The following TYW5 variants were observed in gnomAD, a reference collection of about 807,000 sequenced individuals.
TYW5 encodes tRNA-yW synthesizing protein 5.
Under a neutral mutation model 44.4 loss-of-function variants are expected in TYW5, and 36 were observed. The observed-to-expected ratio is 0.81, with a 90% CI of 0.62 to 1.07. The LOEUF is 1.07. Among genes scored for constraint, TYW5 ranks in the 50% least tolerant of loss-of-function variants. TYW5 has a pLI of 0.00. For synonymous variants in TYW5, 121 were observed against 128.1 expected (o/e 0.94, Z 0.37); for missense variants, 354 against 365.7 (o/e 0.97, Z 0.26).
At chr2:199,950,664 A>G (rs754278675) in intron 1 of TYW5, among the ~76,000 whole-genome samples, 1 of 152,048 alleles carries the variant, frequency 6.6e-6, no homozygotes, top group Non-Finnish European at 1.5e-5. Flanking sequence ...GTGTGTGTGT[A>G]TGTGCACGTG....
intron 6 of TYW5, 30 bp from the exon 7 acceptor site, chr2:199,936,077 A>G (rs1267916073): frequency 2.4e-6 from 3 of 1,248,880 alleles, no homozygotes; most frequent in South Asian, 2.6e-5. Context: ...GATAATATAG[A>G]TTCAGCAAAG....
At chr2:199,940,884 TTTAA>T (rs2077458855) in intron 3 of TYW5, among the ~76,000 whole-genome samples, 1 of 152,140 alleles carries the variant, frequency 6.6e-6, no homozygotes, top group African/African-American at 2.4e-5. Flanking sequence ...ACCTTATGCT[TTTAA>T]TAATATATTT....
chr2:199,939,641 G>T (rs890447344), intron 4 of TYW5, among the ~76,000 whole-genome samples: 2 of 151,822 alleles, frequency 1.3e-5, no homozygotes, highest in African/African-American at 4.8e-5. Flanking sequence ...TAAAAGAGAG[G>T]GTAAACAACT....
At position 199,929,185 on chromosome 2, in the gene TYW5, CG is replaced by C. The variant is rs1161268493; in HGVS notation, c.*3881del. On this transcript the variant is annotated 3_prime_UTR_variant, in exon 8 of 8. Transcript: ENST00000354611. ...AATGGAACTTAGAAAGAGACTACAT[CG>C]TGGGGTTGGGGGAGGGGGAAGGGAT... Among the ~76,000 whole-genome samples, 1 of 117,212 alleles carries C rather than the reference CG, an allele frequency of 8.5e-6. No individual in the cohort carries two copies. The highest frequency in any genetic ancestry group is 2.0e-5 in the Non-Finnish European group (1 of 51,178). 76.9% of individuals were successfully genotyped at this position (117,212 alleles called of 152,430 possible). A position where few individuals can be genotyped will look rare whatever the true frequency, so the allele number is the denominator to read the frequency against.
At chr2:199,950,281 T>C (rs2077534725) in intron 1 of TYW5, among the ~76,000 whole-genome samples, 1 of 152,166 alleles carries the variant, frequency 6.6e-6, no homozygotes, top group Admixed American at 6.5e-5. Context: ...TCTACTGAAT[T>C]TGTAATTCCC....
rs1368080146 is a variant in TYW5, at chr2:199,929,226, T to C, written c.*3841A>G. Among the ~76,000 whole-genome samples, 5 of 152,062 alleles carry C rather than the reference T, an allele frequency of 3.3e-5. No individual in the cohort carries two copies. The highest frequency in any genetic ancestry group is 4.8e-5 in the African/African-American group (2 of 41,384). Reference sequence around the variant, plus strand: ...GGGGAAGGGATAGCATTAGGAGATATACCTAATGTAAATGACGAGTTAACG... The same window carrying C: ...GGGGAAGGGATAGCATTAGGAGATACACCTAATGTAAATGACGAGTTAACG... On this transcript the variant is annotated 3_prime_UTR_variant, in exon 8 of 8. Coordinates refer to ENST00000354611, the MANE Select transcript of TYW5 (RefSeq NM_001039693.3).
At chr2:199,939,102 T>G (rs1222534641) in intron 4 of TYW5, 32 bp from the exon 5 acceptor site, 8 of 1,573,202 alleles carry the variant, frequency 5.1e-6, no homozygotes, top group Non-Finnish European at 6.9e-6. Flanking sequence ...AAGAAAAAAT[T>G]AGATTAGACC....
At chr2:199,944,032 G>A in intron 2 of TYW5, 198 bp from the exon 3 acceptor site, 1 of 439,046 alleles carries the variant, frequency 2.3e-6, no homozygotes, top group Non-Finnish European at 4.0e-6. Context: ...GATCTAAGTT[G>A]TCTGAAATTT....
chr2:199,951,325 T>C (rs1222256808), intron 1 of TYW5, among the ~76,000 whole-genome samples: 1 of 152,200 alleles, frequency 6.6e-6, no homozygotes, highest in African/African-American at 2.4e-5. Context: ...GTGTCTTAGA[T>C]TGAGGACATA....
chr2:199,951,087 A>G (rs1025123888), intron 1 of TYW5, among the ~76,000 whole-genome samples: 1 of 152,196 alleles, frequency 6.6e-6, no homozygotes, highest in Non-Finnish European at 1.5e-5. Flanking sequence ...GTTTATTTCA[A>G]TGTTTAAGAT....
rs758732149 is a variant in TYW5 at position 199,948,470 on chromosome 2, T to A, written c.81A>T (p.Arg27Ser). The change falls in exon 2 of 8, where the codon AGA becomes AGT. Residue 27 changes from arginine to serine, a missense_variant and splice_region_variant. By Grantham distance (110) the Arg-to-Ser change is moderately radical. Coordinates refer to ENST00000354611, the MANE Select transcript of TYW5 (RefSeq NM_001039693.3). ...CAATCCCTTCCAACACAAGAGGTTT[T>A]CTCTGTAAGTGGGGAAAGAAATACA... ...EQFMQHLYPQ[R>S]KPLVLEGIDL... is the part of the protein sequence containing the mutation. The A allele has an allele frequency of 6.2e-7, 1 of 1,613,922 alleles. No homozygotes were observed. The highest frequency in any genetic ancestry group is 8.5e-7 in the Non-Finnish European group (1 of 1,179,972).
At chr2:199,948,982 T>C (rs1371390780) in intron 1 of TYW5, among the ~76,000 whole-genome samples, 5 of 152,138 alleles carry the variant, frequency 3.3e-5, no homozygotes, top group African/African-American at 7.2e-5. Context: ...CCATGGTCCT[T>C]ATCTCTAAAA....
At chr2:199,935,130 ATT>A in intron 7 of TYW5, among the ~76,000 whole-genome samples, 2 of 152,190 alleles carry the variant, frequency 1.3e-5, no homozygotes, top group Middle Eastern at 6.8e-3. Flanking sequence ...ACTTGATGTC[ATT>A]TAATAGAGTA....
At position 199,929,825 on chromosome 2, in the gene TYW5, TGTTTA is replaced by T. The variant is rs1205626958; in HGVS notation, c.*3237_*3241del. On this transcript the variant is annotated 3_prime_UTR_variant, in exon 8 of 8. Transcript: ENST00000354611. ...TTATGAAATGCTAATAATTACACTCTGTTTAGTTTTTTTTTTTGAGACAGGTCTCC... is the reference window on the plus strand; with the variant it reads ...TTATGAAATGCTAATAATTACACTCTGTTTTTTTTTTTGAGACAGGTCTCC... The T allele has an allele frequency of 6.6e-6, 1 of 151,784 alleles. No individual in the cohort carries two copies. The highest frequency in any genetic ancestry group is 1.9e-4 in the East Asian group (1 of 5,136). The allele number at this position is 151,784 out of a possible 1,614,324, so 9.4% of individuals were successfully genotyped here. A position where few individuals can be genotyped will look rare whatever the true frequency, so the allele number is the denominator to read the frequency against.
rs1204827926 is a variant in TYW5 at position 199,931,527 on chromosome 2, TCTTTG to T, written c.*1535_*1539del. ...AAGGACAAGGAATCAGTAAAGAAGT[TCTTTG>T]CTTTGCTTAATGAAGATCAAAACCT... is the stretch of plus-strand genomic sequence containing the variant. On this transcript the variant is annotated 3_prime_UTR_variant, in exon 8 of 8. Coordinates refer to ENST00000354611, the MANE Select transcript of TYW5 (RefSeq NM_001039693.3). The T allele has an allele frequency of 3.9e-5, 6 of 152,196 alleles. No individual in the cohort carries two copies. The highest frequency in any genetic ancestry group is 1.5e-5 in the Non-Finnish European group (1 of 68,010). 9.4% of individuals were successfully genotyped at this position (152,196 alleles called of 1,614,324 possible).
intron 3 of TYW5, among the ~76,000 whole-genome samples, chr2:199,941,562 A>G (rs1051384400): frequency 6.6e-6 from 1 of 152,346 alleles, no homozygotes; most frequent in South Asian, 2.1e-4. Flanking sequence ...TTGAACTCTC[A>G]GTGCTTTTCT....
rs1191232752 is a variant in TYW5, at chr2:199,940,159, A to T, written c.304-26T>A. The T allele has an allele frequency of 1.9e-6, 3 of 1,606,986 alleles. No homozygotes were observed. In the Admixed American group the frequency reaches 5.1e-5, roughly 27 times the overall value. The stretch of plus-strand genomic sequence containing the variant: ...CTTAAACACCCCAGAGAAAAATAAC[A>T]TCAGCAATATTTTACTTTTTCAAAT... On this transcript the variant is annotated intron_variant, in intron 3 of 7. Transcript: ENST00000354611.
chr2:199,949,096 G>A (rs566889711), intron 1 of TYW5, among the ~76,000 whole-genome samples: 1 of 151,980 alleles, frequency 6.6e-6, no homozygotes, highest in East Asian at 1.9e-4. Flanking sequence ...AGTGGCTCAC[G>A]CTTGTAATCC....
chr2:199,936,860 A>C (rs139668943), intron 5 of TYW5, among the ~76,000 whole-genome samples: 2 of 152,330 alleles, frequency 1.3e-5, no homozygotes, highest in African/African-American at 2.4e-5. Flanking sequence ...GAGTAAAAGC[A>C]CTTAGAAAAA....
Sources: gnomAD v4.1 joint callset for allele counts (sites outside exome capture counted in the v4.1 genomes callset) on GRCh38, gnomAD v4.1.1 for gene constraint, MANE v1.5 for transcripts, NCBI Gene and HGNC (gene_info 2026-07-23, HGNC 2026-07-21) for gene names.